Variants in TMLHE observed in about 807,000 individuals in gnomAD.
TMLHE encodes trimethyllysine dioxygenase, mitochondrial.
Under a neutral mutation model 25.7 loss-of-function variants are expected in TMLHE, and 18 were observed. The observed-to-expected ratio is 0.70, with a 90% CI of 0.48 to 1.04. The LOEUF is 1.04. Among genes scored for constraint, TMLHE ranks in the 50% least tolerant of loss-of-function variants. The pLI, the probability that TMLHE is intolerant of heterozygous loss-of-function variation, is 0.00. For synonymous variants in TMLHE, 105 were observed against 97.0 expected, an observed-to-expected ratio of 1.08 and a Z score of -0.49; for missense variants, 236 against 259.0, an observed-to-expected ratio of 0.91 and a Z score of 0.61.
chrX:155,580,701 CAAGAG>C (rs1411670711), intron 1 of TMLHE, among the ~76,000 whole-genome samples: 2 of 111,509 alleles, frequency 1.8e-5, no homozygotes, highest in African/African-American at 6.5e-5. Context: ...TGGCAGCAGA[CAAGAG>C]AAGAGGGCTT....
intron 1 of TMLHE, among the ~76,000 whole-genome samples, chrX:155,606,277 A>G (rs1000183292): frequency 4.5e-5 from 5 of 111,687 alleles, no homozygotes; most frequent in Admixed American, 1.9e-4. Context: ...CAATCCACCC[A>G]AAAACAACAG....
At chrX:155,543,184 C>T (rs1314527247) in intron 2 of TMLHE, among the ~76,000 whole-genome samples, 1 of 110,543 alleles carries the variant, frequency 9.0e-6, no homozygotes, top group Non-Finnish European at 1.9e-5. Flanking sequence ...CCACATAGTA[C>T]TGGAAGTCGT....
intron 2 of TMLHE, among the ~76,000 whole-genome samples, chrX:155,538,273 G>T (rs2067291537): frequency 9.0e-6 from 1 of 111,125 alleles, no homozygotes; most frequent in South Asian, 3.8e-4. Flanking sequence ...ATTCCTCCAG[G>T]TTCATTCACG....
At chrX:155,543,907 T>C (rs2067327568) in intron 2 of TMLHE, among the ~76,000 whole-genome samples, 1 of 112,282 alleles carries the variant, frequency 8.9e-6, no homozygotes, top group Admixed American at 9.4e-5. Context: ...TTGTTGTCTC[T>C]GTGGGTACCA....
At chrX:155,560,463 T>C (rs1334546659) in intron 1 of TMLHE, among the ~76,000 whole-genome samples, 3 of 107,244 alleles carry the variant, frequency 2.8e-5, no homozygotes, top group Non-Finnish European at 5.8e-5. Context: ...ACATAATAAG[T>C]TATATATAGT....
At chrX:155,522,069 CA>C (rs1298131708) in intron 3 of TMLHE, among the ~76,000 whole-genome samples, 2 of 112,232 alleles carry the variant, frequency 1.8e-5, no homozygotes, top group East Asian at 5.6e-4. Flanking sequence ...ACTTTTCTTA[CA>C]ATTTAGCAAA....
At chrX:155,533,868 G>A (rs781995032) in intron 2 of TMLHE, among the ~76,000 whole-genome samples, 2 of 112,008 alleles carry the variant, frequency 1.8e-5, no homozygotes, top group Admixed American at 9.4e-5. Flanking sequence ...AGTAAAATGC[G>A]AGAAGAGATA....
At chrX:155,589,484 T>C (rs936784119) in intron 1 of TMLHE, among the ~76,000 whole-genome samples, 2 of 111,474 alleles carry the variant, frequency 1.8e-5, no homozygotes, top group African/African-American at 6.5e-5. Context: ...ATCATGTCAT[T>C]TGCAGCAACA....
intron 2 of TMLHE, among the ~76,000 whole-genome samples, chrX:155,544,620 T>TA (rs1557338504): frequency 8.9e-6 from 1 of 112,261 alleles, no homozygotes; most frequent in African/African-American, 3.2e-5. Flanking sequence ...TACACATAGG[T>TA]AAAGTATTCC....
chrX:155,530,379 T>C (rs1603032837), intron 2 of TMLHE, among the ~76,000 whole-genome samples: 1 of 110,510 alleles, frequency 9.0e-6, no homozygotes, highest in East Asian at 2.9e-4. Flanking sequence ...GTCAAATAAA[T>C]ATACAGAGAG....
chrX:155,547,237 C>G (rs983582225), intron 1 of TMLHE, among the ~76,000 whole-genome samples: 33 of 92,355 alleles, frequency 3.6e-4, no homozygotes, highest in Non-Finnish European at 6.3e-4. Context: ...CTCCGCCTCC[C>G]GGGTTCACGC....
In TMLHE at chrX:155,528,248, A is replaced by C. The variant is rs185520652; in HGVS notation, c.182-3616T>G. ...CAGCAAGTTTCTATGAAAATAATTT[A>C]AAATGTGCATATTTGACCTAGATAT... On this transcript the variant is annotated intron_variant, in intron 2 of 7. Coordinates refer to ENST00000334398, the MANE Select transcript of TMLHE (RefSeq NM_018196.4). Among the ~76,000 whole-genome samples the C allele has an allele frequency of 4.4e-3, 481 of 110,329 alleles. 4 individuals carry two copies. Among genetic ancestry groups the C allele is most frequent in the Non-Finnish European group, 6.2e-3 (326 of 52,754 alleles).
In TMLHE at chrX:155,550,764, T is replaced by A. The variant is rs782306199; in HGVS notation, c.-1-5487A>T. On this transcript the variant is annotated intron_variant, in intron 1 of 7. Coordinates refer to ENST00000334398, the MANE Select transcript of TMLHE (RefSeq NM_018196.4). ...AGTGATGTGGGGAACTTTAGAAAAGTTCTGATGATCCGGCCCTGCCCCTAG... is the reference window on the plus strand; with the variant it reads ...AGTGATGTGGGGAACTTTAGAAAAGATCTGATGATCCGGCCCTGCCCCTAG... Among the ~76,000 whole-genome samples, 121 of 110,512 alleles carry A rather than the reference T, an allele frequency of 1.1e-3. 7 individuals carry two copies. Among genetic ancestry groups the A allele is most frequent in the African/African-American group, 4.0e-3 (120 of 29,952 alleles).
At chrX:155,587,802 A>G (rs2067673788) in intron 1 of TMLHE, among the ~76,000 whole-genome samples, 2 of 112,202 alleles carry the variant, frequency 1.8e-5, no homozygotes, top group African/African-American at 6.5e-5. Context: ...AATCGAGGTG[A>G]AAAATCTTTA....
At position 155,607,730 on chromosome X, in the gene TMLHE, T is replaced by A. The variant is rs782417494; in HGVS notation, c.-2+5062A>T. Among the ~76,000 whole-genome samples the A allele has an allele frequency of 8.0e-4, 89 of 111,819 alleles. 1 individual carries two copies. Among genetic ancestry groups the A allele is most frequent in the African/African-American group, 2.8e-3 (85 of 30,781 alleles). On this transcript the variant is annotated intron_variant, in intron 1 of 7. Transcript: ENST00000334398. ...GCAAAGTTTCAGGCTACCAAATCAA[T>A]GTACAAAAATCAGTAGCATTTCTAT... is the stretch of plus-strand genomic sequence containing the variant.
At position 155,568,776 on chromosome X, in the gene TMLHE, T is replaced by C. The variant is rs782743151; in HGVS notation, c.-1-23499A>G. 6.5e-5 allele frequency among the ~76,000 whole-genome samples: 4 copies of C among 61,736 alleles called. 2 individuals are homozygous for C. In the South Asian group the frequency reaches 3.9e-3, roughly 60 times the overall value. The allele number at this position is 61,736 out of a possible 115,157, so 53.6% of individuals were successfully genotyped here. ...CCAACAGACCTGCAGCTGAGGGTCC[T>C]GTCTGTTAGAAGGAAAACTAACAAA... is the stretch of plus-strand genomic sequence containing the variant. On this transcript the variant is annotated intron_variant, in intron 1 of 7. Transcript: ENST00000334398.
intron 6 of TMLHE, among the ~76,000 whole-genome samples, chrX:155,506,460 G>T (rs1357562220): frequency 1.8e-5 from 2 of 111,045 alleles, no homozygotes; most frequent in African/African-American, 6.5e-5. Context: ...ATGAGTAGAA[G>T]TGATGAGTTC....
intron 1 of TMLHE, among the ~76,000 whole-genome samples, chrX:155,600,717 G>A (rs1446387825): frequency 8.9e-6 from 1 of 112,053 alleles, no homozygotes; most frequent in Non-Finnish European, 1.9e-5. Flanking sequence ...GCACATGCTC[G>A]GGAGAAACTG....
At chrX:155,509,593 T>C (rs2067094777) in intron 5 of TMLHE, among the ~76,000 whole-genome samples, 1 of 111,910 alleles carries the variant, frequency 8.9e-6, no homozygotes, top group Non-Finnish European at 1.9e-5. Context: ...TCCTCTTTTT[T>C]CCTTCTGTAT....
Sources: gnomAD v4.1 joint callset for allele counts (sites outside exome capture counted in the v4.1 genomes callset) on GRCh38, gnomAD v4.1.1 for gene constraint, MANE v1.5 for transcripts, NCBI Gene and HGNC (gene_info 2026-07-23, HGNC 2026-07-21) for gene names.